Variants in APP observed in about 807,000 individuals in gnomAD.
APP encodes amyloid beta precursor protein, also known as amyloid-beta precursor protein.
In APP, 31 loss-of-function variants were observed where a neutral mutation model predicts 101.4. The observed-to-expected ratio is 0.31, with a 90% CI of 0.23 to 0.41. The LOEUF is 0.41. Ranked by LOEUF, APP falls within the 10% of genes least tolerant of loss-of-function variation. The pLI is 1.00. For synonymous variants in APP, 366 were observed against 364.4 expected (o/e 1.00, Z -0.05); for missense variants, 839 against 1,003.7 (o/e 0.84, Z 2.22).
chr21:26,130,341 T>C (rs1427021177), intron 1 of APP, among the ~76,000 whole-genome samples: 2 of 152,278 alleles, frequency 1.3e-5, no homozygotes, highest in African/African-American at 4.8e-5. Context: ...TTTTAAGTTC[T>C]TGTTTGAAGA....
intron 1 of APP, among the ~76,000 whole-genome samples, chr21:26,159,166 G>T (rs2146369818): frequency 6.6e-6 from 1 of 151,500 alleles, no homozygotes; most frequent in African/African-American, 2.4e-5. Context: ...TGCAAGCTCT[G>T]CCTCCCAGGT....
At chr21:25,967,383 T>A (rs928341605) in intron 11 of APP, among the ~76,000 whole-genome samples, 1 of 152,182 alleles carries the variant, frequency 6.6e-6, no homozygotes, top group Non-Finnish European at 1.5e-5. Context: ...CACTTCCCTT[T>A]AGAAAATGCA....
rs910888898 is a variant in APP, at chr21:25,881,873, G to C, written c.2212-102C>G. ...ATAAGGAGTACAGTACTCTTCTTTT[G>C]CCAAGATTGCAGAACACCCATAATT... On this transcript the variant is annotated intron_variant, in intron 17 of 17. Coordinates refer to ENST00000346798, the MANE Select transcript of APP (RefSeq NM_000484.4). 5.8e-6 allele frequency: 7 copies of C among 1,214,406 alleles called. No individual in the cohort carries two copies. In the African/African-American group the frequency reaches 9.0e-5, roughly 16 times the overall value. The allele number at this position is 1,214,406 out of a possible 1,614,324, so 75.2% of individuals were successfully genotyped here.
intron 6 of APP, among the ~76,000 whole-genome samples, chr21:26,015,739 G>A (rs1229390535): frequency 1.3e-5 from 2 of 152,118 alleles, no homozygotes; most frequent in Non-Finnish European, 1.5e-5. Flanking sequence ...ATGGCAGTAT[G>A]TGAAATAGAA....
chr21:26,098,198 A>T (rs1370548776), intron 2 of APP, among the ~76,000 whole-genome samples: 3 of 148,586 alleles, frequency 2.0e-5, no homozygotes, highest in African/African-American at 2.4e-5. Flanking sequence ...TATATATAAT[A>T]ATTATTATTA....
chr21:26,085,299 G>T (rs2061682147), intron 3 of APP, among the ~76,000 whole-genome samples: 1 of 151,352 alleles, frequency 6.6e-6, no homozygotes. Flanking sequence ...ATGAGACCAT[G>T]ATGTAAACAA....
At chr21:25,912,093 G>C in intron 13 of APP, 131 bp from the exon 14 acceptor site, 1 of 740,430 alleles carries the variant, frequency 1.4e-6, no homozygotes, top group Admixed American at 2.0e-5. Context: ...TTAGAGCCAT[G>C]ACATAGGTAC....
intron 6 of APP, among the ~76,000 whole-genome samples, chr21:26,013,021 C>T: frequency 7.0e-6 from 1 of 143,652 alleles, no homozygotes; most frequent in East Asian, 2.1e-4. Context: ...AACAAACAAA[C>T]AAAAAGGTGC....
At chr21:25,957,527 T>C (rs189454369) in intron 11 of APP, among the ~76,000 whole-genome samples, 2 of 152,320 alleles carry the variant, frequency 1.3e-5, no homozygotes, top group Admixed American at 6.5e-5. Flanking sequence ...TCTGTTACCA[T>C]TATTCATCCA....
intron 9 of APP, among the ~76,000 whole-genome samples, chr21:25,976,686 C>G (rs2042235954): frequency 1.3e-5 from 2 of 152,154 alleles, no homozygotes; most frequent in African/African-American, 4.8e-5. Context: ...CTGAATGCAG[C>G]AAACATGTAT....
intron 4 of APP, among the ~76,000 whole-genome samples, chr21:26,051,722 T>C (rs17001660): frequency 0.066 from 10,126 of 152,274 alleles, 406 homozygotes; most frequent in African/African-American, 0.1. Context: ...AATCAGAACT[T>C]ACAGTCATTA....
At position 26,111,478 on chromosome 21, in the gene APP, C is replaced by A. The variant is rs188212859; in HGVS notation, c.225+501G>T. 1.2e-4 allele frequency among the ~76,000 whole-genome samples: 19 copies of A among 152,104 alleles called. 1 individual carries two copies. Among genetic ancestry groups the A allele is most frequent in the Admixed American group, 7.9e-4 (12 of 15,278 alleles). The stretch of plus-strand genomic sequence containing the variant: ...GAGGGCTGAGCATGGTGGCTCATAC[C>A]CGTAATCTCAGCACTTTGGGAGGTC... On this transcript the variant is annotated intron_variant, in intron 2 of 17. Transcript: ENST00000346798.
intron 1 of APP, among the ~76,000 whole-genome samples, chr21:26,169,768 C>A (rs2063700899): frequency 6.6e-6 from 1 of 152,226 alleles, no homozygotes; most frequent in African/African-American, 2.4e-5. Context: ...TTCCCGCGGA[C>A]CTTCTGCCTC....
intron 2 of APP, among the ~76,000 whole-genome samples, chr21:26,093,554 ATAGT>A (rs1432788637): frequency 2.6e-5 from 4 of 152,200 alleles, no homozygotes; most frequent in African/African-American, 9.7e-5. Flanking sequence ...TCCTATGGTA[ATAGT>A]TGGTGCAACA....
chr21:25,959,404 G>A (rs2041479276), intron 11 of APP, among the ~76,000 whole-genome samples: 1 of 152,218 alleles, frequency 6.6e-6, no homozygotes, highest in South Asian at 2.1e-4. Flanking sequence ...CTGCACTACA[G>A]CCTGGGCGAC....
chr21:25,890,095 C>A (rs1489078192), intron 17 of APP, among the ~76,000 whole-genome samples: 3 of 152,132 alleles, frequency 2.0e-5, no homozygotes, highest in African/African-American at 7.2e-5. Context: ...GGTGCAATGG[C>A]CAAACATGAC....
intron 8 of APP, among the ~76,000 whole-genome samples, chr21:25,995,800 A>C (rs2043032253): frequency 1.3e-5 from 2 of 152,336 alleles, no homozygotes; most frequent in East Asian, 3.9e-4. Context: ...AGTTATACAT[A>C]ATGTGAATTA....
At chr21:26,113,289 A>C (rs1043004407) in intron 1 of APP, among the ~76,000 whole-genome samples, 2 of 152,230 alleles carry the variant, frequency 1.3e-5, no homozygotes, top group African/African-American at 2.4e-5. Context: ...CATTCCTAAA[A>C]ACTGTCCACA....
intron 8 of APP, among the ~76,000 whole-genome samples, chr21:25,993,134 T>G (rs7278877): frequency 6.3e-4 from 96 of 152,310 alleles, no homozygotes; most frequent in African/African-American, 2.0e-3. Context: ...GGGATGGAAC[T>G]TGGGGCCTGA....
Sources: gnomAD v4.1 joint callset for allele counts (sites outside exome capture counted in the v4.1 genomes callset) on GRCh38, gnomAD v4.1.1 for gene constraint, MANE v1.5 for transcripts, NCBI Gene and HGNC (gene_info 2026-07-23, HGNC 2026-07-21) for gene names.